SHISA9: variants seen among roughly 807,000 people sequenced by gnomAD.
SHISA9 encodes the protein shisa family member 9, also known as protein shisa-9.
In SHISA9, 13 loss-of-function variants were observed where a neutral mutation model predicts 38.0. The ratio of observed to expected loss-of-function variants is 0.34; its 90% CI spans 0.22 to 0.54. The LOEUF is 0.54. SHISA9 is among the 20% of genes least tolerant of loss of function. SHISA9 has a pLI of 0.91. For synonymous variants in SHISA9, 275 were observed against 242.0 expected (o/e 1.14, Z -1.27); for missense variants, 538 against 575.8 (o/e 0.93, Z 0.67).
chr16:13,254,475 T>C, the SHISA9 span, among the ~76,000 whole-genome samples: 1,010 of 152,298 alleles, frequency 6.6e-3, 8 homozygotes, highest in African/African-American at 0.022. Context: ...GGGAACAGAG[T>C]TTAGGGAATC....
the SHISA9 span, among the ~76,000 whole-genome samples, chr16:13,322,250 T>G: frequency 6.6e-6 from 1 of 152,310 alleles, no homozygotes; most frequent in South Asian, 2.1e-4. Flanking sequence ...TAGAGTGATC[T>G]AATAGGAAAA....
intron 2 of SHISA9, among the ~76,000 whole-genome samples, chr16:13,171,486 G>A (rs2050686061): frequency 1.4e-5 from 2 of 147,750 alleles, no homozygotes; most frequent in Admixed American, 6.6e-5. Context: ...ACAGCAGGGG[G>A]CGGGGGTGGG....
At chr16:13,452,018 A>C in the SHISA9 span, among the ~76,000 whole-genome samples, 646 of 152,306 alleles carry the variant, frequency 4.2e-3, 2 homozygotes, top group African/African-American at 0.015. Context: ...TTGTTTCATC[A>C]AGTTAGTTTT....
intron 2 of SHISA9, among the ~76,000 whole-genome samples, chr16:13,011,976 C>T (rs1667036112): frequency 6.6e-6 from 1 of 152,146 alleles, no homozygotes; most frequent in Non-Finnish European, 1.5e-5. Flanking sequence ...CAGGCATGAG[C>T]CGCCACACCC....
At chr16:13,161,440 AG>A (rs1215981646) in intron 2 of SHISA9, among the ~76,000 whole-genome samples, 8 of 152,116 alleles carry the variant, frequency 5.3e-5, no homozygotes, top group African/African-American at 1.9e-4. Context: ...CATCCTTCTG[AG>A]CAGCTTCTGA....
At chr16:13,159,921 G>A (rs2050580875) in intron 2 of SHISA9, among the ~76,000 whole-genome samples, 1 of 152,232 alleles carries the variant, frequency 6.6e-6, no homozygotes, top group Non-Finnish European at 1.5e-5. Context: ...TATGTGCCAG[G>A]CACTGGAAAT....
the SHISA9 span, among the ~76,000 whole-genome samples, chr16:13,352,697 TAAGGGGGG>T: frequency 1.6e-5 from 2 of 128,930 alleles, no homozygotes; most frequent in Non-Finnish European, 3.2e-5. Flanking sequence ...CGAAGGGAGA[TAAGGGGGG>T]GGGGGGGCGG....
chr16:13,255,118 A>C, the SHISA9 span, among the ~76,000 whole-genome samples: 2 of 152,014 alleles, frequency 1.3e-5, no homozygotes, highest in African/African-American at 4.8e-5. Flanking sequence ...TACGTCCCCT[A>C]ACCTCTCACT....
intron 2 of SHISA9, among the ~76,000 whole-genome samples, chr16:13,161,802 G>A (rs573178575): frequency 2.0e-5 from 3 of 151,022 alleles, no homozygotes; most frequent in South Asian, 2.1e-4. Context: ...AAAAACCCTC[G>A]TTTTTTTTTC....
the SHISA9 span, among the ~76,000 whole-genome samples, chr16:13,521,196 T>C: frequency 6.6e-6 from 1 of 152,190 alleles, no homozygotes; most frequent in African/African-American, 2.4e-5. Flanking sequence ...AGCATCTTCC[T>C]GATCTTTCTC....
chr16:13,552,668 G>T, the SHISA9 span, among the ~76,000 whole-genome samples: 1 of 152,164 alleles, frequency 6.6e-6, no homozygotes, highest in African/African-American at 2.4e-5. Context: ...GCTTTGAAAA[G>T]ACCGGCCCAG....
intron 2 of SHISA9, among the ~76,000 whole-genome samples, chr16:13,181,553 A>G (rs1406167686): frequency 3.3e-5 from 5 of 151,948 alleles, no homozygotes; most frequent in African/African-American, 9.7e-5. Flanking sequence ...ACCTTGTCAT[A>G]CATGGTATGG....
chr16:13,196,032 G>C (rs903384337), intron 2 of SHISA9, among the ~76,000 whole-genome samples: 2 of 139,076 alleles, frequency 1.4e-5, no homozygotes, highest in Non-Finnish European at 3.0e-5. Flanking sequence ...AGGCTGCAGC[G>C]AGCTGAGATT....
chr16:13,360,607 C>T, the SHISA9 span, among the ~76,000 whole-genome samples: 9 of 151,792 alleles, frequency 5.9e-5, no homozygotes, highest in Admixed American at 3.9e-4. Flanking sequence ...GCTGAATTGT[C>T]AGTCAATTAA....
chr16:12,906,474 G>T (rs189029104), intron 1 of SHISA9, among the ~76,000 whole-genome samples: 59 of 152,154 alleles, frequency 3.9e-4, no homozygotes, highest in African/African-American at 1.3e-3. Flanking sequence ...GGGGAGGCTC[G>T]CATGGGATCT....
At chr16:13,506,975 C>G in the SHISA9 span, among the ~76,000 whole-genome samples, 190 of 151,876 alleles carry the variant, frequency 1.3e-3, no homozygotes, top group African/African-American at 4.3e-3. Flanking sequence ...TCTGCGAGGT[C>G]GAAGCTGCAG....
the SHISA9 span, among the ~76,000 whole-genome samples, chr16:13,366,883 T>C: frequency 6.7e-6 from 1 of 150,080 alleles, no homozygotes; most frequent in Non-Finnish European, 1.5e-5. Context: ...CTCAGGAGAC[T>C]GAGGCAGGAG....
chr16:12,962,705 A>G (rs1191027684), intron 2 of SHISA9, among the ~76,000 whole-genome samples: 1 of 152,196 alleles, frequency 6.6e-6, no homozygotes, highest in Non-Finnish European at 1.5e-5. Flanking sequence ...GTGAGAAATA[A>G]ATGTCTGTTG....
the SHISA9 span, among the ~76,000 whole-genome samples, chr16:13,556,054 T>C: frequency 6.6e-6 from 1 of 152,212 alleles, no homozygotes; most frequent in Admixed American, 6.5e-5. Context: ...AGATGAGCTA[T>C]GCAAAGCACT....
Sources: allele counts gnomAD v4.1 joint callset (sites outside exome capture counted in the v4.1 genomes callset), GRCh38; gene constraint gnomAD v4.1.1; transcripts MANE v1.5; gene names NCBI Gene and HGNC (gene_info 2026-07-23, HGNC 2026-07-21).